Variants in PTPRK observed in about 807,000 individuals in gnomAD.
The protein encoded by PTPRK is receptor-type tyrosine-protein phosphatase kappa.
PTPRK carries 75 observed loss-of-function variants against 178.0 expected under a neutral mutation model. The ratio of observed to expected loss-of-function variants is 0.42; its 90% CI spans 0.35 to 0.51. The LOEUF (loss-of-function observed/expected upper bound fraction) is 0.51, where lower values mean the gene tolerates loss of function less well. Ranked by LOEUF, PTPRK falls within the 20% of genes least tolerant of loss-of-function variation. The pLI is 0.02. For missense variants in PTPRK, 1,441 were observed against 1,797.8 expected (o/e 0.80, Z 3.59); for synonymous variants, 637 against 620.6 (o/e 1.03, Z -0.39).
At chr6:128,150,807 T>C (rs1797137596) in intron 7 of PTPRK, among the ~76,000 whole-genome samples, 1 of 152,098 alleles carries the variant, frequency 6.6e-6, no homozygotes, top group Non-Finnish European at 1.5e-5. Context: ...CTGGGGAAAT[T>C]TATTTACACA....
chr6:128,363,672 T>C (rs1835078163), intron 2 of PTPRK, among the ~76,000 whole-genome samples: 2 of 152,128 alleles, frequency 1.3e-5, no homozygotes, highest in Non-Finnish European at 2.9e-5. Flanking sequence ...CATCTGGGAA[T>C]CAGTTTGCTG....
Position 128,273,711 on chromosome 6 carries a change from T to C in PTPRK, c.496-31109A>G, listed in dbSNP as rs547430640. On this transcript the variant is annotated intron_variant, in intron 3 of 29. Coordinates refer to ENST00000368226, the MANE Select transcript of PTPRK (RefSeq NM_002844.4). ...TTCAGGAATGAAATGTCTAGGGTTA[T>C]CTCCATTGAGTACACTCATGGACTT... Among the ~76,000 whole-genome samples the C allele has an allele frequency of 8.5e-5, 13 of 152,294 alleles. No homozygotes were observed. The East Asian group carries it at 2.5e-3, about 29-fold the overall frequency.
chr6:128,278,088 A>G (rs1246025968), intron 3 of PTPRK, among the ~76,000 whole-genome samples: 1 of 152,066 alleles, frequency 6.6e-6, no homozygotes, highest in Non-Finnish European at 1.5e-5. Context: ...TACCATAAAA[A>G]TAGGTAAAGG....
chr6:128,407,866 G>A (rs536539713), intron 1 of PTPRK, among the ~76,000 whole-genome samples: 1 of 151,968 alleles, frequency 6.6e-6, no homozygotes, highest in Non-Finnish European at 1.5e-5. Flanking sequence ...TTCAAGTATG[G>A]GGGAAGAAAG....
intron 3 of PTPRK, among the ~76,000 whole-genome samples, chr6:128,274,017 A>T (rs1425226131): frequency 6.6e-6 from 1 of 152,154 alleles, no homozygotes; most frequent in African/African-American, 2.4e-5. Flanking sequence ...GGTAAGAGTG[A>T]AAACAACAGA....
At chr6:128,331,136 A>C (rs1584201499) in intron 2 of PTPRK, among the ~76,000 whole-genome samples, 1 of 152,320 alleles carries the variant, frequency 6.6e-6, no homozygotes, top group East Asian at 1.9e-4. Context: ...AAACTCCATG[A>C]AAAGTTGGGA....
intron 1 of PTPRK, among the ~76,000 whole-genome samples, chr6:128,484,775 T>C (rs1852574929): frequency 6.6e-6 from 1 of 152,194 alleles, no homozygotes; most frequent in Non-Finnish European, 1.5e-5. Flanking sequence ...TTTTTTCTGC[T>C]AATAGTGTCC....
intron 3 of PTPRK, among the ~76,000 whole-genome samples, chr6:128,309,173 A>T (rs1450264094): frequency 6.6e-6 from 1 of 152,162 alleles, no homozygotes; most frequent in African/African-American, 2.4e-5. Context: ...AGTCTAATCC[A>T]ACTGAGCATT....
chr6:128,166,534 G>A (rs1359863892), intron 7 of PTPRK, among the ~76,000 whole-genome samples: 1 of 151,656 alleles, frequency 6.6e-6, no homozygotes, highest in African/African-American at 2.4e-5. Flanking sequence ...AGAATGTTAT[G>A]AGTGGCTGGT....
intron 18 of PTPRK, among the ~76,000 whole-genome samples, chr6:127,992,947 G>C (rs910801443): frequency 6.6e-6 from 1 of 151,546 alleles, no homozygotes; most frequent in African/African-American, 2.4e-5. Flanking sequence ...ATTGATTTTT[G>C]TTTGCCATGG....
intron 6 of PTPRK, among the ~76,000 whole-genome samples, chr6:128,205,777 C>CA (rs57003128): frequency 0.12 from 1,810 of 15,086 alleles, 195 homozygotes; most frequent in African/African-American, 0.16. Flanking sequence ...CATCACAGAC[C>CA]AAAAAAAAAA....
chr6:128,433,197 C>T (rs902596070), intron 1 of PTPRK, among the ~76,000 whole-genome samples: 8 of 152,164 alleles, frequency 5.3e-5, no homozygotes, highest in Admixed American at 6.5e-5. Flanking sequence ...CTATCAAACA[C>T]GAGAACGTAT....
chr6:128,349,633 C>T (rs1206612980), intron 2 of PTPRK, among the ~76,000 whole-genome samples: 1 of 151,312 alleles, frequency 6.6e-6, no homozygotes, highest in Non-Finnish European at 1.5e-5. Context: ...CATATTCACA[C>T]CGTTCAAAAA....
chr6:128,458,839 A>T (rs1478436751), intron 1 of PTPRK, among the ~76,000 whole-genome samples: 1 of 152,194 alleles, frequency 6.6e-6, no homozygotes, highest in South Asian at 2.1e-4. Context: ...AAAGAAATCC[A>T]TTATGCTCTT....
At chr6:128,121,763 T>G (rs568505779) in intron 7 of PTPRK, among the ~76,000 whole-genome samples, 22 of 151,258 alleles carry the variant, frequency 1.5e-4, no homozygotes, top group East Asian at 9.7e-4. Flanking sequence ...ATGTGCGGGG[T>G]TTTTTTTTCC....
chr6:128,160,105 T>C (rs1798487994), intron 7 of PTPRK, among the ~76,000 whole-genome samples: 1 of 151,708 alleles, frequency 6.6e-6, no homozygotes, highest in Non-Finnish European at 1.5e-5. Context: ...CAATTACTGT[T>C]GATATTTTAA....
Position 128,007,699 on chromosome 6 carries a change from C to T in PTPRK, c.2333+1431G>A, listed in dbSNP as rs181269713. Among the ~76,000 whole-genome samples the T allele has an allele frequency of 1.6e-3, 240 of 150,920 alleles. 1 individual carries two copies. In the Middle Eastern group the frequency reaches 0.02, roughly 13 times the overall value. ...TAACAAATAAAACTGAATAGTTTAG[C>T]CCAATTCTAGCTGAATGAGGATATA... On this transcript the variant is annotated intron_variant, in intron 14 of 29. Transcript: ENST00000368226.
At chr6:128,453,121 C>T (rs1180760505) in intron 1 of PTPRK, among the ~76,000 whole-genome samples, 1 of 152,174 alleles carries the variant, frequency 6.6e-6, no homozygotes, top group Non-Finnish European at 1.5e-5. Context: ...TTGGTCTAAT[C>T]AAAATACCAC....
intron 6 of PTPRK, among the ~76,000 whole-genome samples, chr6:128,192,788 G>T (rs1190618277): frequency 6.7e-6 from 1 of 148,826 alleles, no homozygotes; most frequent in Non-Finnish European, 1.5e-5. Context: ...CTGCACTCCA[G>T]TGTGGGCAAC....
Sources: gnomAD v4.1 joint callset for allele counts (sites outside exome capture counted in the v4.1 genomes callset) on GRCh38, gnomAD v4.1.1 for gene constraint, MANE v1.5 for transcripts, NCBI Gene and HGNC (gene_info 2026-07-23, HGNC 2026-07-21) for gene names.